LONP2: variants seen among roughly 807,000 people sequenced by gnomAD.
LONP2 encodes the protein lon peptidase 2, peroxisomal.
Under a neutral mutation model 85.6 loss-of-function variants are expected in LONP2, and 60 were observed. The observed-to-expected ratio is 0.70, with a 90% CI of 0.57 to 0.87. The LOEUF is 0.87. LONP2 is among the 40% of genes least tolerant of loss of function. The pLI, the probability that LONP2 is intolerant of heterozygous loss-of-function variation, is 0.00. For missense variants in LONP2, 860 were observed against 1,063.5 expected (o/e 0.81, Z 2.66); for synonymous variants, 395 against 389.7 (o/e 1.01, Z -0.16).
chr16:48,310,112 A>G (rs890975963), intron 11 of LONP2, among the ~76,000 whole-genome samples: 16 of 151,676 alleles, frequency 1.1e-4, no homozygotes, highest in African/African-American at 1.9e-4. Context: ...TAATATAAGT[A>G]TAGTTACTCT....
Position 48,307,516 on chromosome 16 carries a change from T to C in LONP2, c.1795+4211T>C, listed in dbSNP as rs538425526. Among the ~76,000 whole-genome samples the C allele has an allele frequency of 2.1e-4, 32 of 152,366 alleles. 2 individuals are homozygous for C. The South Asian group carries it at 6.2e-3, about 30-fold the overall frequency. On this transcript the variant is annotated intron_variant, in intron 11 of 14. Coordinates refer to ENST00000285737, the MANE Select transcript of LONP2 (RefSeq NM_031490.5). ...TCTAGCAAGATTTTTCCTCAAAAAT[T>C]ATCCTAAGCAAAGAAGGATTTATAT... is the stretch of plus-strand genomic sequence containing the variant.
In LONP2 at chr16:48,352,737, C is replaced by G. The variant is rs1383071510; in HGVS notation, c.*935C>G. ...GCCCTCAGAACATGATAGCTTGTAT[C>G]CAGCAGAGTGGCACGTGCTGGCACA... is the stretch of plus-strand genomic sequence containing the variant. On this transcript the variant is annotated 3_prime_UTR_variant, in exon 15 of 15. Transcript: ENST00000285737. The G allele has an allele frequency of 6.6e-6, 1 of 152,324 alleles. No homozygotes were observed. The highest frequency in any genetic ancestry group is 1.9e-4 in the East Asian group (1 of 5,202). The allele number at this position is 152,324 out of a possible 1,614,324, so 9.4% of individuals were successfully genotyped here.
At chr16:48,287,077 C>T (rs527564289) in intron 8 of LONP2, among the ~76,000 whole-genome samples, 3 of 152,248 alleles carry the variant, frequency 2.0e-5, no homozygotes, top group East Asian at 1.9e-4. Context: ...AGCTAGTGAC[C>T]GGACAGAGAT....
chr16:48,332,758 A>G (rs1287613342), intron 11 of LONP2, among the ~76,000 whole-genome samples: 1 of 151,694 alleles, frequency 6.6e-6, no homozygotes, highest in East Asian at 1.9e-4. Context: ...ACACACAAAC[A>G]TTAGCCGGGC....
intron 5 of LONP2, among the ~76,000 whole-genome samples, chr16:48,262,279 A>G (rs181473137): frequency 6.4e-4 from 97 of 150,844 alleles, no homozygotes; most frequent in African/African-American, 2.3e-3. Context: ...CTCTGATACA[A>G]AAAAAAATGT....
chr16:48,334,861 G>A (rs1352922461), intron 12 of LONP2: 11 of 475,366 alleles, frequency 2.3e-5, no homozygotes, highest in Admixed American at 1.8e-4. Context: ...ACATCTCAGC[G>A]TCTGCAGCTT....
intron 8 of LONP2, among the ~76,000 whole-genome samples, chr16:48,278,437 T>TAA (rs796996830): frequency 5.9e-5 from 9 of 152,306 alleles, no homozygotes; most frequent in African/African-American, 2.2e-4. Context: ...TTTGTGGTGT[T>TAA]AACTCCCTGA....
At position 48,261,311 on chromosome 16, in the gene LONP2, A is replaced by G. The variant is rs1241929305; in HGVS notation, c.724-113A>G. 7 of 738,312 alleles carry G rather than the reference A, an allele frequency of 9.5e-6. No homozygotes were observed. In the South Asian group the frequency reaches 1.0e-4, roughly 11 times the overall value. 45.7% of individuals were successfully genotyped at this position (738,312 alleles called of 1,614,324 possible). On this transcript the variant is annotated intron_variant, in intron 4 of 14. Coordinates refer to ENST00000285737, the MANE Select transcript of LONP2 (RefSeq NM_031490.5). ...TGAACTTCACTTCCTAAAGATAGAG[A>G]CTGTAGTCATAAAAATATTTATTCA... is the stretch of plus-strand genomic sequence containing the variant.
chr16:48,346,410 A>G (rs919920149), intron 12 of LONP2, among the ~76,000 whole-genome samples: 7 of 152,170 alleles, frequency 4.6e-5, no homozygotes, highest in African/African-American at 1.7e-4. Flanking sequence ...GTGTTAACCT[A>G]TGGCCCATCA....
chr16:48,253,626 T>A (rs1971698862), intron 2 of LONP2, among the ~76,000 whole-genome samples: 1 of 152,224 alleles, frequency 6.6e-6, no homozygotes, highest in South Asian at 2.1e-4. Context: ...TTTCTTTTTC[T>A]TTTCAGCAGT....
chr16:48,347,429 CGA>C (rs1959999403), intron 12 of LONP2, 76 bp from the exon 13 acceptor site: 1 of 1,411,830 alleles, frequency 7.1e-7, no homozygotes, highest in African/African-American at 1.4e-5. Flanking sequence ...TGGAGTCAGC[CGA>C]CTCTTGCAGG....
intron 11 of LONP2, among the ~76,000 whole-genome samples, chr16:48,331,457 T>G (rs1959443983): frequency 6.6e-6 from 1 of 152,242 alleles, no homozygotes; most frequent in Non-Finnish European, 1.5e-5. Context: ...AGGCCAAACC[T>G]TGAAATATCA....
chr16:48,272,930 G>C (rs549683568), intron 7 of LONP2, among the ~76,000 whole-genome samples: 1 of 152,300 alleles, frequency 6.6e-6, no homozygotes, highest in African/African-American at 2.4e-5. Flanking sequence ...GTTATGAATT[G>C]AAGGTGAATA....
At position 48,351,579 on chromosome 16, in the gene LONP2, A is replaced by T. The variant is rs772413713; in HGVS notation, c.2338-2A>T. 6.2e-7 allele frequency: 1 copy of T among 1,613,460 alleles called. No individual in the cohort carries two copies. Among genetic ancestry groups the T allele is most frequent in the Non-Finnish European group, 8.5e-7 (1 of 1,179,590 alleles). ...CCTAAAAACTTTTTTCTCTCCTTAC[A>T]GGTGGGTGGAATTAAAGACAAAGTG... is the stretch of plus-strand genomic sequence containing the variant. On this transcript the variant is annotated splice_acceptor_variant, in intron 14 of 14. Coordinates refer to ENST00000285737, the MANE Select transcript of LONP2 (RefSeq NM_031490.5). LOFTEE classifies it high-confidence loss of function.
chr16:48,288,849 A>C (rs1972503419), intron 8 of LONP2, among the ~76,000 whole-genome samples: 1 of 152,176 alleles, frequency 6.6e-6, no homozygotes, highest in Admixed American at 6.5e-5. Flanking sequence ...TTGAGGGGGC[A>C]CAATTCAGTC....
At chr16:48,312,152 A>G (rs578023814) in intron 11 of LONP2, among the ~76,000 whole-genome samples, 1 of 152,110 alleles carries the variant, frequency 6.6e-6, no homozygotes, top group African/African-American at 2.4e-5. Context: ...CTTGTTGGCC[A>G]GGCAGGTCTT....
intron 1 of LONP2, among the ~76,000 whole-genome samples, chr16:48,251,642 G>A (rs528681684): frequency 4.6e-5 from 7 of 152,206 alleles, no homozygotes; most frequent in African/African-American, 1.7e-4. Flanking sequence ...TGATAAGGTG[G>A]GTATGTGGAA....
At chr16:48,246,706 C>T (rs575821633) in intron 1 of LONP2, among the ~76,000 whole-genome samples, 2 of 152,196 alleles carry the variant, frequency 1.3e-5, no homozygotes, top group South Asian at 4.1e-4. Flanking sequence ...TCTGGAGTGG[C>T]TGGGACTATA....
rs1265978981 is a variant in LONP2, at chr16:48,347,509, A to G, written c.1941A>G (p.Val647=). 2.5e-6 allele frequency: 4 copies of G among 1,614,174 alleles called. No individual in the cohort carries two copies. The highest frequency in any genetic ancestry group is 2.2e-5 in the South Asian group (2 of 91,082). Residue 647 remains valine, a splice_region_variant and synonymous_variant, in exon 13 of 15, where the codon GTA becomes GTG. Coordinates refer to ENST00000285737, the MANE Select transcript of LONP2 (RefSeq NM_031490.5). The part of the protein sequence containing the change: ...ILGPPMYEME[V]SQRLSQPGVA... Reference sequence around the variant, plus strand: ...CTGATCATTCTTCTTCTTTCAAGGTATCTCAGCGTTTGAGTCAGCCAGGAG... The same window carrying G: ...CTGATCATTCTTCTTCTTTCAAGGTGTCTCAGCGTTTGAGTCAGCCAGGAG...
Sources: gnomAD v4.1 joint callset for allele counts (sites outside exome capture counted in the v4.1 genomes callset) on GRCh38, gnomAD v4.1.1 for gene constraint, MANE v1.5 for transcripts, NCBI Gene and HGNC (gene_info 2026-07-23, HGNC 2026-07-21) for gene names.